Variants in DAP3 observed in about 807,000 individuals in gnomAD.
The protein encoded by DAP3 is small ribosomal subunit protein mS29.
In DAP3, 28 loss-of-function variants were observed where a neutral mutation model predicts 51.9. The ratio of observed to expected loss-of-function variants is 0.54; its 90% CI spans 0.40 to 0.74. The LOEUF is 0.74. Among genes scored for constraint, DAP3 ranks in the 30% least tolerant of loss-of-function variants. The pLI is 0.00. For missense variants in DAP3, 458 were observed against 483.5 expected (o/e 0.95, Z 0.49); for synonymous variants, 170 against 170.3 (o/e 1.00, Z 0.01).
intron 1 of DAP3, among the ~76,000 whole-genome samples, chr1:155,703,452 A>G (rs1172115534): frequency 1.3e-5 from 2 of 152,214 alleles, no homozygotes; most frequent in Non-Finnish European, 2.9e-5. Flanking sequence ...ATTATCTACC[A>G]TGGGGTCCCT....
intron 12 of DAP3, among the ~76,000 whole-genome samples, chr1:155,737,541 G>A (rs1310008881): frequency 6.6e-6 from 1 of 152,132 alleles, no homozygotes; most frequent in Non-Finnish European, 1.5e-5. Context: ...CATTCCAACT[G>A]TTCATTTACT....
intron 6 of DAP3, among the ~76,000 whole-genome samples, chr1:155,727,285 TTA>T (rs1172935864): frequency 1.3e-5 from 2 of 151,950 alleles, no homozygotes; most frequent in East Asian, 3.9e-4. Flanking sequence ...TTGGTATGTT[TTA>T]TATATTGATT....
At chr1:155,688,467 A>G (rs1324641092), upstream of DAP3, 4 of 1,549,506 alleles carry the variant, frequency 2.6e-6, no homozygotes, top group South Asian at 2.4e-5. Context: ...CCGGCCATGT[A>G]GCGCGCACGT....
At chr1:155,722,526 G>A (rs573392455) in intron 4 of DAP3, among the ~76,000 whole-genome samples, 1 of 152,214 alleles carries the variant, frequency 6.6e-6, no homozygotes, top group South Asian at 2.1e-4. Flanking sequence ...GACCAGCTGG[G>A]CAATATAATG....
At chr1:155,702,578 A>G (rs1295535610) in intron 1 of DAP3, among the ~76,000 whole-genome samples, 1 of 152,126 alleles carries the variant, frequency 6.6e-6, no homozygotes, top group Admixed American at 6.5e-5. Flanking sequence ...GTAGGGGTCC[A>G]TTTTCATTCT....
upstream of DAP3, chr1:155,688,644 G>A: frequency 6.5e-7 from 1 of 1,534,156 alleles, no homozygotes; most frequent in Non-Finnish European, 8.7e-7. Context: ...CTCCAGCGCA[G>A]GCCCTCACGC....
chr1:155,698,856 C>T (rs757019774), intron 1 of DAP3, among the ~76,000 whole-genome samples: 29 of 152,188 alleles, frequency 1.9e-4, no homozygotes, highest in Non-Finnish European at 3.4e-4. Flanking sequence ...CCAAGTGCCC[C>T]GCTCACCTGC....
chr1:155,736,427 T>G (rs1029479501), intron 11 of DAP3, among the ~76,000 whole-genome samples: 5 of 151,906 alleles, frequency 3.3e-5, no homozygotes, highest in Non-Finnish European at 5.9e-5. Flanking sequence ...CCTTTTTTTT[T>G]GTGTGTGTAG....
chr1:155,728,945 T>G, intron 7 of DAP3, 97 bp from the exon 8 acceptor site: 1 of 1,111,526 alleles, frequency 9.0e-7, no homozygotes, highest in Non-Finnish European at 1.3e-6. Flanking sequence ...TAAAATGAAC[T>G]CCTGTTAACC....
At chr1:155,734,866 A>G (rs1370461479) in intron 11 of DAP3, among the ~76,000 whole-genome samples, 1 of 152,174 alleles carries the variant, frequency 6.6e-6, no homozygotes, top group Non-Finnish European at 1.5e-5. Flanking sequence ...TACCCTTTCC[A>G]TATCTGTAAC....
chr1:155,700,744 G>T (rs1175093089), intron 1 of DAP3, among the ~76,000 whole-genome samples: 1 of 140,514 alleles, frequency 7.1e-6, no homozygotes, highest in Non-Finnish European at 1.6e-5. Context: ...GGAGGGAGGT[G>T]GGGGGGTCAG....
intron 11 of DAP3, among the ~76,000 whole-genome samples, chr1:155,734,777 G>A (rs937099018): frequency 3.3e-5 from 5 of 152,070 alleles, no homozygotes; most frequent in South Asian, 2.1e-4. Flanking sequence ...ACACATCTGC[G>A]TTTGTTTCTC....
chr1:155,704,934 A>G (rs1655755784), intron 1 of DAP3, among the ~76,000 whole-genome samples: 3 of 151,834 alleles, frequency 2.0e-5, no homozygotes, highest in African/African-American at 7.3e-5. Flanking sequence ...AGCCGAGATC[A>G]TGCCACTGCA....
At chr1:155,688,109 G>GA, upstream of DAP3, 1 of 1,610,168 alleles carries the variant, frequency 6.2e-7, no homozygotes, top group Non-Finnish European at 8.5e-7. Context: ...ACAGGGAAGT[G>GA]AGGAAGAGGG....
intron 1 of DAP3, among the ~76,000 whole-genome samples, chr1:155,700,727 C>G (rs1451000189): frequency 7.0e-6 from 1 of 143,682 alleles, no homozygotes; most frequent in Non-Finnish European, 1.5e-5. Context: ...GCCAGCCGCC[C>G]CGTCCGGGAG....
At chr1:155,693,304 T>C (rs952842244) in intron 1 of DAP3, among the ~76,000 whole-genome samples, 4 of 141,776 alleles carry the variant, frequency 2.8e-5, no homozygotes, top group African/African-American at 6.4e-5. Context: ...CGCCATTCGG[T>C]TGGAAGAAAA....
chr1:155,726,112 T>G, intron 6 of DAP3, 93 bp downstream of exon 6: 1 of 1,007,520 alleles, frequency 9.9e-7, no homozygotes, highest in Non-Finnish European at 1.4e-6. Context: ...TCTTTTCTTT[T>G]CTTTTTTTTT....
intron 2 of DAP3, among the ~76,000 whole-genome samples, chr1:155,712,143 C>A (rs948424500): frequency 2.0e-5 from 3 of 152,136 alleles, no homozygotes; most frequent in African/African-American, 2.4e-5. Flanking sequence ...ATCAAGTTGA[C>A]GCTTAATATT....
chr1:155,719,038 A>G (rs1462684102), intron 3 of DAP3, among the ~76,000 whole-genome samples: 1 of 152,098 alleles, frequency 6.6e-6, no homozygotes, highest in East Asian at 1.9e-4. Flanking sequence ...TGGCTTCATT[A>G]TTTGGGCCAC....
Sources: allele counts gnomAD v4.1 joint callset (sites outside exome capture counted in the v4.1 genomes callset), GRCh38; gene constraint gnomAD v4.1.1; transcripts MANE v1.5; gene names NCBI Gene and HGNC (gene_info 2026-07-23, HGNC 2026-07-21).